Variants in AK8 observed in about 807,000 individuals in gnomAD.
AK8 encodes the protein ATP-AMP transphosphorylase 8.
In AK8, 44 loss-of-function variants were observed where a neutral mutation model predicts 54.6. The ratio of observed to expected loss-of-function variants is 0.81; its 90% CI spans 0.63 to 1.04. The LOEUF is 1.04. Ranked by LOEUF, AK8 falls within the 50% of genes least tolerant of loss-of-function variation. The pLI, the probability that AK8 is intolerant of heterozygous loss-of-function variation, is 0.00. For missense variants in AK8, 555 were observed against 613.6 expected, an observed-to-expected ratio of 0.90 and a Z score of 1.01; for synonymous variants, 239 against 245.6, an observed-to-expected ratio of 0.97 and a Z score of 0.25.
intron 4 of AK8, among the ~76,000 whole-genome samples, chr9:132,861,173 G>A (rs528463702): frequency 1.3e-5 from 2 of 152,198 alleles, no homozygotes; most frequent in African/African-American, 2.4e-5. Flanking sequence ...CACCATCCCC[G>A]TGGGCTTTGT....
chr9:132,839,299 C>T (rs1222908826), intron 5 of AK8, among the ~76,000 whole-genome samples: 1 of 152,162 alleles, frequency 6.6e-6, no homozygotes, highest in Admixed American at 6.5e-5. Context: ...TGTGTCTTGG[C>T]TTAGTTCTGG....
Position 132,828,624 on chromosome 9 carries a change from G to T in AK8, c.484+21C>A, listed in dbSNP as rs373755904. Reference sequence around the variant, plus strand: ...TGGGGCTGCAGCTCTGGCAGGTGGGGGACCCTTGGGAGCTACTCACTGACG... The same window carrying T: ...TGGGGCTGCAGCTCTGGCAGGTGGGTGACCCTTGGGAGCTACTCACTGACG... On this transcript the variant is annotated intron_variant, in intron 6 of 12. Transcript: ENST00000298545. 8 of 1,603,522 alleles carry T rather than the reference G, an allele frequency of 5.0e-6. No homozygotes were observed. The South Asian group carries it at 9.0e-5, about 18-fold the overall frequency.
At chr9:132,737,773 T>C (rs1837188213) in intron 11 of AK8, among the ~76,000 whole-genome samples, 1 of 152,240 alleles carries the variant, frequency 6.6e-6, no homozygotes, top group South Asian at 2.1e-4. Context: ...TCATACTTAA[T>C]GCCCAAAGAC....
In AK8 at chr9:132,878,177, T is replaced by A; in HGVS notation, c.79A>T (p.Met27Leu). ...GGGCAGGGGTGTCCGGTCACCTGCA[T>A]CAACTCGAAGATGTGGTTCTCCTCC... is the stretch of plus-strand genomic sequence containing the variant. ...YGEENHIFEL[M>L]QNMLEQLLIH... Residue 27 changes from methionine to leucine, a missense_variant, in exon 1 of 13, where the codon ATG (methionine) becomes TTG (leucine). Physicochemically the swap from Met to Leu is conservative, Grantham distance 15. Transcript: ENST00000298545. This position sits in a 1 kb window ranked among gnomAD's most constrained non-coding sequence, Gnocchi z 4.7. The A allele has an allele frequency of 1.3e-6, 2 of 1,496,238 alleles. No homozygotes were observed. Among genetic ancestry groups the A allele is most frequent in the South Asian group, 1.4e-5 (1 of 73,636 alleles). The allele number at this position is 1,496,238 out of a possible 1,614,324, so 92.7% of individuals were successfully genotyped here.
rs528109478 is a variant in AK8, at chr9:132,837,655, C to T, written c.403-8929G>A. The stretch of plus-strand genomic sequence containing the variant: ...CACATCCACAGAGCATATCGGAACA[C>T]GCGTTCCTGTCCACATGGAGTGCTA... On this transcript the variant is annotated intron_variant, in intron 5 of 12. Coordinates refer to ENST00000298545, the MANE Select transcript of AK8 (RefSeq NM_152572.3). The surrounding 1 kb of genome is among the most constrained non-coding windows in gnomAD (Gnocchi z 4.3). Among the ~76,000 whole-genome samples the T allele has an allele frequency of 6.6e-6, 1 of 152,288 alleles. No individual in the cohort carries two copies. Among genetic ancestry groups the T allele is most frequent in the Admixed American group, 6.5e-5 (1 of 15,298 alleles).
intron 2 of AK8, 148 bp from the exon 3 acceptor site, chr9:132,867,101 A>C: frequency 1.4e-6 from 1 of 728,402 alleles, no homozygotes; most frequent in Non-Finnish European, 2.4e-6. Context: ...GCTCAGAGAC[A>C]CTCTTGCCAT....
intron 10 of AK8, among the ~76,000 whole-genome samples, chr9:132,801,843 AG>A (rs1840473354): frequency 6.6e-6 from 1 of 152,242 alleles, no homozygotes; most frequent in Admixed American, 6.5e-5. Flanking sequence ...TTTACAGATT[AG>A]AAAACTAAGG....
intron 5 of AK8, among the ~76,000 whole-genome samples, chr9:132,847,057 C>T (rs1221256619): frequency 2.6e-5 from 4 of 152,250 alleles, no homozygotes; most frequent in African/African-American, 7.2e-5. Context: ...ATCCCAGAGA[C>T]TTCTGCCTTC....
intron 11 of AK8, among the ~76,000 whole-genome samples, chr9:132,785,338 G>A (rs1393625529): frequency 6.6e-6 from 1 of 152,118 alleles, no homozygotes; most frequent in Non-Finnish European, 1.5e-5. Flanking sequence ...TCTGGACCTC[G>A]TGATCCACCT....
chr9:132,846,485 T>C (rs78355119), intron 5 of AK8, among the ~76,000 whole-genome samples: 7,908 of 151,826 alleles, frequency 0.052, 293 homozygotes, highest in African/African-American at 0.087. Flanking sequence ...AGCAAAGTGA[T>C]TTGTTGCATG....
At chr9:132,785,124 A>G (rs896606437) in intron 11 of AK8, among the ~76,000 whole-genome samples, 1 of 129,142 alleles carries the variant, frequency 7.7e-6, no homozygotes, top group African/African-American at 2.9e-5. Flanking sequence ...TTTTTTTTTT[A>G]GATGGAGTCT....
rs540283561 is a variant in AK8 at position 132,754,188 on chromosome 9, C to T, written c.1122-26654G>A. Among the ~76,000 whole-genome samples, 13 of 152,258 alleles carry T rather than the reference C, an allele frequency of 8.5e-5. No individual in the cohort carries two copies. In the East Asian group the frequency reaches 1.7e-3, roughly 20 times the overall value. ...CAGGAGACGGCACAACACGCAAGGT[C>T]GGGAAAGGGGAAGCAGATGATACTC... On this transcript the variant is annotated intron_variant, in intron 11 of 12. Coordinates refer to ENST00000298545, the MANE Select transcript of AK8 (RefSeq NM_152572.3).
At chr9:132,766,786 T>C (rs1443661507) in intron 11 of AK8, among the ~76,000 whole-genome samples, 16 of 152,240 alleles carry the variant, frequency 1.1e-4, no homozygotes, top group East Asian at 1.9e-4. Context: ...AACAGACACA[T>C]AGACCAGTGG....
intron 11 of AK8, among the ~76,000 whole-genome samples, chr9:132,728,189 C>T (rs1836663308): frequency 6.6e-6 from 1 of 152,226 alleles, no homozygotes. Flanking sequence ...AGCCACTGCT[C>T]AGGGCTCTGG....
chr9:132,760,594 T>C (rs1838409787), intron 11 of AK8, among the ~76,000 whole-genome samples: 1 of 152,144 alleles, frequency 6.6e-6, no homozygotes, highest in African/African-American at 2.4e-5. Flanking sequence ...TTTCTTGTCT[T>C]TACTGCACTG....
chr9:132,842,459 G>A (rs1842583247), intron 5 of AK8, among the ~76,000 whole-genome samples: 1 of 150,852 alleles, frequency 6.6e-6, no homozygotes, highest in African/African-American at 2.5e-5. Flanking sequence ...GCAGAATGCT[G>A]TGAGCATGTG....
At chr9:132,794,626 A>G (rs1356882032) in intron 10 of AK8, among the ~76,000 whole-genome samples, 1 of 152,232 alleles carries the variant, frequency 6.6e-6, no homozygotes, top group Non-Finnish European at 1.5e-5. Context: ...AATAACAAAG[A>G]ACCATGTCTC....
intron 5 of AK8, among the ~76,000 whole-genome samples, chr9:132,842,089 C>T (rs907070230): frequency 6.6e-6 from 1 of 152,170 alleles, no homozygotes; most frequent in Non-Finnish European, 1.5e-5. Flanking sequence ...CCAAAATTCA[C>T]AGAAAACAAA....
Position 132,770,063 on chromosome 9 carries a change from G to A in AK8, c.1121+22571C>T, listed in dbSNP as rs1838893910. ...GGGGCATCTGGTTAAAGCGAATTCGGGCGCATCGTCCGCCAGGTAAAAACA... is the reference window on the plus strand; with the variant it reads ...GGGGCATCTGGTTAAAGCGAATTCGAGCGCATCGTCCGCCAGGTAAAAACA... On this transcript the variant is annotated intron_variant, in intron 11 of 12. Transcript: ENST00000298545. The surrounding 1 kb of genome is among the most constrained non-coding windows in gnomAD (Gnocchi z 4.3). 6.6e-6 allele frequency: 1 copy of A among 152,226 alleles called. No individual in the cohort carries two copies. Among genetic ancestry groups the A allele is most frequent in the Admixed American group, 6.5e-5 (1 of 15,280 alleles). The allele number at this position is 152,226 out of a possible 1,614,324, so 9.4% of individuals were successfully genotyped here. A position where few individuals can be genotyped will look rare whatever the true frequency, so the allele number is the denominator to read the frequency against.
Sources: allele counts gnomAD v4.1 joint callset (sites outside exome capture counted in the v4.1 genomes callset), GRCh38; gene constraint gnomAD v4.1.1; non-coding constraint Gnocchi (gnomAD v3.1); transcripts MANE v1.5; gene names NCBI Gene and HGNC (gene_info 2026-07-23, HGNC 2026-07-21).